CDKL3: variants seen among roughly 807,000 people sequenced by gnomAD.
CDKL3 encodes cyclin dependent kinase like 3.
Under a neutral mutation model 69.3 loss-of-function variants are expected in CDKL3, and 65 were observed. That is an observed-to-expected ratio of 0.94 (90% confidence interval 0.77 to 1.15). The LOEUF (loss-of-function observed/expected upper bound fraction) is 1.15. Ranked by LOEUF, CDKL3 falls within the 50% of genes most tolerant of loss-of-function variation. The probability of loss-of-function intolerance (pLI) is 0.00; values close to 1 mark genes in which losing one functional copy is unlikely to be tolerated. For missense variants in CDKL3, 652 were observed against 689.2 expected (o/e 0.95, Z 0.61); for synonymous variants, 202 against 221.6 (o/e 0.91, Z 0.79).
intron 4 of CDKL3, among the ~76,000 whole-genome samples, chr5:134,328,180 G>T (rs1293341429): frequency 1.3e-5 from 2 of 152,144 alleles, no homozygotes; most frequent in African/African-American, 4.8e-5. Flanking sequence ...GCCTATAAGA[G>T]TAACTACATG....
chr5:134,298,307 G>C (rs554816525), downstream of CDKL3: 233 of 1,029,122 alleles, frequency 2.3e-4, no homozygotes, highest in Non-Finnish European at 2.7e-4. Context: ...TGTTATAGGA[G>C]ATAACTGACT....
chr5:134,368,204 T>A (rs1297921704), upstream of CDKL3, among the ~76,000 whole-genome samples: 2 of 152,214 alleles, frequency 1.3e-5, no homozygotes, highest in Non-Finnish European at 2.9e-5. Context: ...ATAGCGTAAA[T>A]AAATTAGTAT....
At chr5:134,295,779 AT>A (rs1765319635), downstream of CDKL3, among the ~76,000 whole-genome samples, 1 of 152,222 alleles carries the variant, frequency 6.6e-6, no homozygotes, top group South Asian at 2.1e-4. Flanking sequence ...GAACAGGAAG[AT>A]TCAGAATTTT....
chr5:134,344,470 A>G (rs1291887445), intron 4 of CDKL3, among the ~76,000 whole-genome samples: 1 of 152,238 alleles, frequency 6.6e-6, no homozygotes, highest in Non-Finnish European at 1.5e-5. Context: ...CATTTTAAAA[A>G]TAGGCAAAGG....
At chr5:134,359,606 C>A (rs1755508993) in intron 3 of CDKL3, among the ~76,000 whole-genome samples, 1 of 152,032 alleles carries the variant, frequency 6.6e-6, no homozygotes, top group African/African-American at 2.4e-5. Flanking sequence ...AATATACTTT[C>A]TCTAATAATA....
At chr5:134,301,042 C>T (rs973767275) in intron 12 of CDKL3, among the ~76,000 whole-genome samples, 3 of 151,786 alleles carry the variant, frequency 2.0e-5, no homozygotes, top group African/African-American at 7.3e-5. Flanking sequence ...GTTGTCTAGG[C>T]TGGAGTGCAA....
intron 12 of CDKL3, among the ~76,000 whole-genome samples, chr5:134,301,708 C>T (rs570016866): frequency 3.9e-5 from 6 of 151,998 alleles, no homozygotes; most frequent in South Asian, 4.2e-4. Flanking sequence ...AGTGAAACCC[C>T]GTCTCTACTA....
At chr5:134,362,861 G>C (rs1054723931) in intron 2 of CDKL3, among the ~76,000 whole-genome samples, 10 of 152,200 alleles carry the variant, frequency 6.6e-5, no homozygotes, top group Admixed American at 6.5e-4. Flanking sequence ...CTGGGAGGCA[G>C]AGGTTGCAGT....
At chr5:134,363,246 A>C (rs10491287) in intron 2 of CDKL3, among the ~76,000 whole-genome samples, 1 of 152,070 alleles carries the variant, frequency 6.6e-6, no homozygotes, top group Non-Finnish European at 1.5e-5. Context: ...TCACAAAATC[A>C]TAACATCTTT....
At chr5:134,323,844 A>G (rs779091653) in intron 4 of CDKL3, among the ~76,000 whole-genome samples, 16 of 152,234 alleles carry the variant, frequency 1.1e-4, no homozygotes, top group Non-Finnish European at 2.2e-4. Context: ...AATTCACAAA[A>G]GAAAAAATTG....
At chr5:134,323,557 G>A (rs1268582463) in intron 4 of CDKL3, among the ~76,000 whole-genome samples, 2 of 152,128 alleles carry the variant, frequency 1.3e-5, no homozygotes, top group African/African-American at 2.4e-5. Context: ...CCCAGAAATA[G>A]ACTTGCACAA....
chr5:134,303,945 T>C (rs1767057457), intron 11 of CDKL3, among the ~76,000 whole-genome samples: 1 of 151,870 alleles, frequency 6.6e-6, no homozygotes, highest in South Asian at 2.1e-4. Flanking sequence ...AAATTTTTTT[T>C]TTTTAGAGAC....
intron 12 of CDKL3, chr5:134,302,312 G>T: frequency 2.2e-6 from 1 of 460,642 alleles, no homozygotes; most frequent in Non-Finnish European, 4.2e-6. Flanking sequence ...TCACTAGTCT[G>T]ACTTACCTGC....
intron 4 of CDKL3, among the ~76,000 whole-genome samples, chr5:134,334,682 T>C (rs1776623592): frequency 6.6e-6 from 1 of 152,224 alleles, no homozygotes; most frequent in African/African-American, 2.4e-5. Flanking sequence ...CAGAGATAGT[T>C]TGTTGTGATT....
intron 6 of CDKL3, chr5:134,319,154 A>G: frequency 2.6e-6 from 1 of 378,868 alleles, no homozygotes; most frequent in Non-Finnish European, 4.6e-6. Context: ...AACACGGTGA[A>G]ACCCCGTCTC....
chr5:134,318,328 AG>A (rs1771739853), intron 6 of CDKL3, among the ~76,000 whole-genome samples: 2 of 152,116 alleles, frequency 1.3e-5, no homozygotes, highest in South Asian at 4.1e-4. Flanking sequence ...CAGGTCAAGA[AG>A]GAATTTTGGC....
upstream of CDKL3, chr5:134,370,907 T>C (rs1253598509): frequency 1.3e-5 from 2 of 152,946 alleles, no homozygotes; most frequent in African/African-American, 4.8e-5. Flanking sequence ...CCATGACCTC[T>C]TGGGTAATGT....
At chr5:134,310,279 G>A (rs369193598) in intron 7 of CDKL3, among the ~76,000 whole-genome samples, 60 of 152,034 alleles carry the variant, frequency 3.9e-4, no homozygotes, top group African/African-American at 1.4e-3. Flanking sequence ...TCTGCCTCCC[G>A]TGTTCACACC....
chr5:134,312,535 A>C (rs1436282765), intron 6 of CDKL3, among the ~76,000 whole-genome samples, 155 bp from the exon 7 acceptor site: 1 of 152,270 alleles, frequency 6.6e-6, no homozygotes, highest in Non-Finnish European at 1.5e-5. Context: ...TCTGGTAGTA[A>C]GTTCTGGCTG....
Sources: gnomAD v4.1 joint callset for allele counts (sites outside exome capture counted in the v4.1 genomes callset) on GRCh38, gnomAD v4.1.1 for gene constraint, MANE v1.5 for transcripts, NCBI Gene and HGNC (gene_info 2026-07-23, HGNC 2026-07-21) for gene names.